ERCC6L2: variants seen among roughly 807,000 people sequenced by gnomAD.
ERCC6L2 encodes ERCC excision repair 6 like 2, also known as DNA excision repair protein ERCC-6-like 2.
Under a neutral mutation model 132.0 loss-of-function variants are expected in ERCC6L2, and 77 were observed. The ratio of observed to expected loss-of-function variants is 0.58; its 90% CI spans 0.49 to 0.71. The LOEUF is 0.71. Ranked by LOEUF, ERCC6L2 falls within the 30% of genes least tolerant of loss-of-function variation. The pLI is 0.00. For missense variants in ERCC6L2, 1,542 were observed against 1,837.6 expected, an observed-to-expected ratio of 0.84 and a Z score of 2.94; for synonymous variants, 583 against 632.4, an observed-to-expected ratio of 0.92 and a Z score of 1.17.
chr9:95,875,955 T>TGGCC lies in ERCC6L2; in HGVS notation c.-83_-80dup, dbSNP rs1827229236. On this transcript the variant is annotated 5_prime_UTR_variant, in exon 1 of 19. Transcript: ENST00000653738. Reference sequence around the variant, plus strand: ...GGCCGGAAGTGGCGTTGGCCGCCATTGGCCTGCCGGCCAGCCACCTTGCTG... The same window carrying TGGCC: ...GGCCGGAAGTGGCGTTGGCCGCCATTGGCCGGCCTGCCGGCCAGCCACCTTGCTG... 6.8e-7 allele frequency: 1 copy of TGGCC among 1,472,332 alleles called. No individual in the cohort carries two copies. 91.2% of individuals were successfully genotyped at this position (1,472,332 alleles called of 1,614,324 possible). A position where few individuals can be genotyped will look rare whatever the true frequency, so the allele number is the denominator to read the frequency against.
Position 95,921,334 on chromosome 9 carries a change from C to A in ERCC6L2, c.1299+19C>A. The A allele has an allele frequency of 6.3e-7, 1 of 1,596,634 alleles. No homozygotes were observed. Among genetic ancestry groups the A allele is most frequent in the South Asian group, 1.1e-5 (1 of 88,824 alleles). ...TTATAAGGCAAGCATTTCAATATATCTTTATAATCATGCTTTTGATTACAT... is the reference window on the plus strand; with the variant it reads ...TTATAAGGCAAGCATTTCAATATATATTTATAATCATGCTTTTGATTACAT... On this transcript the variant is annotated intron_variant, in intron 7 of 18. Transcript: ENST00000653738.
intron 17 of ERCC6L2, among the ~76,000 whole-genome samples, chr9:95,981,515 C>T (rs1832892475): frequency 6.6e-6 from 1 of 151,950 alleles, no homozygotes; most frequent in African/African-American, 2.4e-5. Context: ...AAGTAATATG[C>T]AAAATAAGAA....
chr9:96,015,373 G>A lies in ERCC6L2; in HGVS notation c.*2170G>A, dbSNP rs1290857802. On this transcript the variant is annotated 3_prime_UTR_variant, in exon 19 of 19. Transcript: ENST00000653738. ...GCTAATTTTTTTGTGTTTTTAGTAG[G>A]GATGGGGTTTCACCATGTTGGCCAG... Among the ~76,000 whole-genome samples, 19 of 151,698 alleles carry A rather than the reference G, an allele frequency of 1.3e-4. No homozygotes were observed. The highest frequency in any genetic ancestry group is 4.6e-4 in the African/African-American group (19 of 41,460).
chr9:95,987,896 G>T (rs1357606444), intron 17 of ERCC6L2, among the ~76,000 whole-genome samples: 1 of 152,188 alleles, frequency 6.6e-6, no homozygotes, highest in Non-Finnish European at 1.5e-5. Context: ...TAAAATCTAG[G>T]TGATGGTTCC....
intron 2 of ERCC6L2, among the ~76,000 whole-genome samples, chr9:95,883,034 T>A (rs577040988): frequency 6.6e-6 from 1 of 152,288 alleles, no homozygotes; most frequent in South Asian, 2.1e-4. Context: ...AAATTGACCC[T>A]TCTGGTCCTA....
chr9:95,944,985 G>A (rs1274717842), intron 12 of ERCC6L2, among the ~76,000 whole-genome samples: 2 of 152,074 alleles, frequency 1.3e-5, no homozygotes, highest in Non-Finnish European at 2.9e-5. Context: ...TTGAAGTTTC[G>A]GGCATGCATT....
At chr9:95,891,000 G>A (rs1828131208) in intron 2 of ERCC6L2, among the ~76,000 whole-genome samples, 1 of 152,180 alleles carries the variant, frequency 6.6e-6, no homozygotes, top group Non-Finnish European at 1.5e-5. Context: ...ATCACCAGTG[G>A]TCGGGAGTTC....
intron 17 of ERCC6L2, among the ~76,000 whole-genome samples, chr9:95,987,952 C>T (rs905366123): frequency 2.6e-5 from 4 of 152,218 alleles, no homozygotes; most frequent in African/African-American, 9.6e-5. Context: ...CTCAACACCA[C>T]GTGGAAGCTG....
intron 11 of ERCC6L2, 86 bp from the exon 12 acceptor site, chr9:95,941,368 C>A: frequency 2.2e-6 from 2 of 891,216 alleles, no homozygotes; most frequent in Non-Finnish European, 3.6e-6. Flanking sequence ...ACTGTTTTGG[C>A]TATAGAAACC....
intron 9 of ERCC6L2, among the ~76,000 whole-genome samples, chr9:95,923,731 C>T (rs1171464873): frequency 6.6e-6 from 1 of 152,020 alleles, no homozygotes; most frequent in Non-Finnish European, 1.5e-5. Context: ...AAAGCTAATG[C>T]AAAACAGGGG....
At chr9:95,931,860 G>T (rs1172088334) in intron 11 of ERCC6L2, among the ~76,000 whole-genome samples, 4 of 151,490 alleles carry the variant, frequency 2.6e-5, no homozygotes, top group Admixed American at 2.6e-4. Flanking sequence ...TTTCAACTCT[G>T]GAAAATGCTT....
chr9:95,885,352 C>T (rs146288653), intron 2 of ERCC6L2, among the ~76,000 whole-genome samples: 41 of 152,270 alleles, frequency 2.7e-4, no homozygotes, highest in African/African-American at 9.6e-4. Context: ...ACAGCCAAGA[C>T]GATGAACATG....
rs762803546 is a variant in ERCC6L2 at position 95,921,213 on chromosome 9, C to G, written c.1197C>G (p.Val399=). 3 of 1,613,048 alleles carry G rather than the reference C, an allele frequency of 1.9e-6. No homozygotes were observed. Among genetic ancestry groups the G allele is most frequent in the South Asian group, 1.1e-5 (1 of 91,018 alleles). ...YCSLTDFQKA[V]YQTVLETEDV... is the part of the protein sequence containing the mutation. ...CTTTGACAGATTTCCAGAAAGCTGT[C>G]TATCAAACAGTGTTAGAAACAGAGG... is the stretch of plus-strand genomic sequence containing the variant. Residue 399 remains valine, a synonymous_variant, in exon 7 of 19, where the codon GTC becomes GTG. Transcript: ENST00000653738.
At chr9:95,918,223 G>T in intron 6 of ERCC6L2, 1 of 458,310 alleles carries the variant, frequency 2.2e-6, no homozygotes, top group South Asian at 1.7e-5. Flanking sequence ...GAGACAAGCT[G>T]AGATTAAGGT....
At chr9:96,004,457 C>T (rs1406467398) in intron 17 of ERCC6L2, 63 bp from the exon 18 acceptor site, 11 of 934,104 alleles carry the variant, frequency 1.2e-5, no homozygotes, top group Non-Finnish European at 1.6e-5. Context: ...AAGACATTCT[C>T]ATTATTTGAC....
chr9:95,970,751 TAA>T, intron 15 of ERCC6L2, 95 bp downstream of exon 15: 9 of 715,610 alleles, frequency 1.3e-5, no homozygotes, highest in South Asian at 2.8e-5. Flanking sequence ...TTATAACCTG[TAA>T]AAAAAAAAAT....
Position 95,972,683 on chromosome 9 carries a change from GAT to G in ERCC6L2, c.2935_2936del (p.Ile979GlnfsTer2), listed in dbSNP as rs773617334. The G allele has an allele frequency of 4.6e-6, 6 of 1,300,120 alleles. No homozygotes were observed. In the South Asian group the frequency reaches 7.4e-5, roughly 16 times the overall value. The allele number at this position is 1,300,120 out of a possible 1,614,324, so 80.5% of individuals were successfully genotyped here. A position where few individuals can be genotyped will look rare whatever the true frequency, so the allele number is the denominator to read the frequency against. On this transcript the variant is annotated frameshift_variant, in exon 16 of 19. Transcript: ENST00000653738. LOFTEE classifies it high-confidence loss of function. ...TATTTTGAAAAGAAAAGGCACCAGT[GAT>G]ATCAGTGATGAATCTGATGACATTG... ...KSILKRKGTS[D>X]ISDESDDIEI...
At chr9:95,974,176 C>A (rs1306470631) in intron 16 of ERCC6L2, among the ~76,000 whole-genome samples, 2 of 152,054 alleles carry the variant, frequency 1.3e-5, no homozygotes, top group Non-Finnish European at 2.9e-5. Context: ...CTCTTTCTTT[C>A]GATTTCATTT....
chr9:95,978,776 CTTA>C (rs1255279296), intron 17 of ERCC6L2, among the ~76,000 whole-genome samples: 4 of 151,996 alleles, frequency 2.6e-5, no homozygotes, highest in African/African-American at 9.7e-5. Context: ...TTGTGTTTGG[CTTA>C]TTATTCTTTA....
Sources: gnomAD v4.1 joint callset for allele counts (sites outside exome capture counted in the v4.1 genomes callset) on GRCh38, gnomAD v4.1.1 for gene constraint, MANE v1.5 for transcripts, NCBI Gene and HGNC (gene_info 2026-07-23, HGNC 2026-07-21) for gene names.